Variants in PDIA4 observed in about 807,000 individuals in gnomAD.
PDIA4 encodes the protein protein disulfide isomerase family A member 4, also known as protein disulfide-isomerase A4.
PDIA4 carries 33 observed loss-of-function variants against 62.1 expected under a neutral mutation model. The observed-to-expected ratio is 0.53, with a 90% CI of 0.40 to 0.71. The LOEUF (loss-of-function observed/expected upper bound fraction) is 0.71. PDIA4 is among the 30% of genes least tolerant of loss of function. The probability of loss-of-function intolerance (pLI) is 0.00; values close to 1 mark genes in which losing one functional copy is unlikely to be tolerated. For synonymous variants in PDIA4, 341 were observed against 324.1 expected, an observed-to-expected ratio of 1.05 and a Z score of -0.56; for missense variants, 804 against 813.6, an observed-to-expected ratio of 0.99 and a Z score of 0.14.
intron 1 of PDIA4, among the ~76,000 whole-genome samples, chr7:149,027,516 G>A (rs562976802): frequency 9.5e-4 from 144 of 152,330 alleles, no homozygotes; most frequent in Admixed American, 1.5e-3. Context: ...AGAGGAAGAA[G>A]GTAAAGACCA....
intron 4 of PDIA4, among the ~76,000 whole-genome samples, chr7:149,013,486 G>C (rs1824023330): frequency 6.6e-6 from 1 of 152,006 alleles, no homozygotes; most frequent in African/African-American, 2.4e-5. Flanking sequence ...AGACCAACCG[G>C]GGCAACATAG....
chr7:149,013,452 G>A (rs1824021791), intron 4 of PDIA4, among the ~76,000 whole-genome samples: 1 of 152,266 alleles, frequency 6.6e-6, no homozygotes, highest in East Asian at 1.9e-4. Flanking sequence ...TGAGGCGGGA[G>A]GGTCGCTTGA....
rs532392743 is a variant in PDIA4 at position 149,004,274 on chromosome 7, T to C, written c.1523-65A>G. 5.0e-5 allele frequency: 75 copies of C among 1,495,510 alleles called. No individual in the cohort carries two copies. In the Admixed American group the frequency reaches 5.4e-4, roughly 11 times the overall value. 92.6% of individuals were successfully genotyped at this position (1,495,510 alleles called of 1,614,324 possible). Reference sequence around the variant, plus strand: ...CAAAGGCCAAAGATTCTGGGGGCTCTCTCTGGACCAGGCAGTGAGGTTGGT... The same window carrying C: ...CAAAGGCCAAAGATTCTGGGGGCTCCCTCTGGACCAGGCAGTGAGGTTGGT... On this transcript the variant is annotated intron_variant, in intron 9 of 9. Coordinates refer to ENST00000652332, the MANE Select transcript of PDIA4 (RefSeq NM_004911.5).
chr7:149,008,709 TAAAAAGAAAAAAAAAAAAGAAAAA>T (rs111572930), intron 6 of PDIA4, among the ~76,000 whole-genome samples: 5,765 of 144,644 alleles, frequency 0.04, 384 homozygotes, highest in African/African-American at 0.14. Flanking sequence ...AGACTGTCTT[TAAAAAGAAAAAAAAAAAAGAAAAA>T]GAAAAGAAAA....
chr7:149,018,509 G>A (rs930414222), intron 3 of PDIA4, among the ~76,000 whole-genome samples: 9 of 151,776 alleles, frequency 5.9e-5, no homozygotes, highest in South Asian at 2.1e-4. Context: ...TCAGCTCACC[G>A]CAACCTCCGC....
At position 149,021,064 on chromosome 7, in the gene PDIA4, C is replaced by A. The variant is rs775228303; in HGVS notation, c.172G>T (p.Val58Phe). 6.2e-7 allele frequency: 1 copy of A among 1,614,124 alleles called. No individual in the cohort carries two copies. Among genetic ancestry groups the A allele is most frequent in the South Asian group, 1.1e-5 (1 of 91,068 alleles). ...DDDEEEDDLE[V>F]KEENGVLVLN... Reference sequence around the variant, plus strand: ...ACCAAGACTCCATTTTCTTCCTTAACTTCCAAGTCGTCTTCTTCCTCATCA... The same window carrying A: ...ACCAAGACTCCATTTTCTTCCTTAAATTCCAAGTCGTCTTCTTCCTCATCA... The change falls in exon 2 of 10, where the codon GTT becomes TTT. Residue 58 changes from valine to phenylalanine, a missense_variant. By Grantham distance (50) the Val-to-Phe change is conservative (BLOSUM62 -1). Transcript: ENST00000652332.
intron 6 of PDIA4, 85 bp downstream of exon 6, chr7:149,011,761 G>A (rs1339754565): frequency 1.8e-6 from 2 of 1,123,238 alleles, no homozygotes; most frequent in Non-Finnish European, 2.5e-6. Flanking sequence ...CCTAATGGAT[G>A]TCCCAGGAGC....
At chr7:149,026,753 C>G (rs1443376130) in intron 1 of PDIA4, among the ~76,000 whole-genome samples, 5 of 148,076 alleles carry the variant, frequency 3.4e-5, no homozygotes, top group Non-Finnish European at 5.9e-5. Context: ...AAGCCATGAT[C>G]AGGACAGTGC....
At chr7:149,017,535 G>C (rs1236996744) in intron 3 of PDIA4, among the ~76,000 whole-genome samples, 2 of 152,126 alleles carry the variant, frequency 1.3e-5, no homozygotes, top group African/African-American at 4.8e-5. Flanking sequence ...GGTGAGCTGA[G>C]ATTGCGCCAT....
intron 1 of PDIA4, among the ~76,000 whole-genome samples, chr7:149,024,370 T>C (rs905954912): frequency 3.9e-5 from 6 of 152,198 alleles, no homozygotes; most frequent in Admixed American, 2.0e-4. Flanking sequence ...CAAGCCAGGA[T>C]TGATTCCTCT....
At chr7:149,022,376 A>G (rs1824382626) in intron 1 of PDIA4, among the ~76,000 whole-genome samples, 1 of 152,120 alleles carries the variant, frequency 6.6e-6, no homozygotes, top group Non-Finnish European at 1.5e-5. Context: ...TGTATATTTT[A>G]TTTTCAAGGT....
chr7:149,010,090 T>TA (rs1823894607), intron 6 of PDIA4, among the ~76,000 whole-genome samples: 1 of 152,260 alleles, frequency 6.6e-6, no homozygotes, highest in East Asian at 1.9e-4. Context: ...CAGATGGACT[T>TA]AGATTCATAT....
At chr7:149,018,031 C>A (rs986037721) in intron 3 of PDIA4, among the ~76,000 whole-genome samples, 6 of 152,124 alleles carry the variant, frequency 3.9e-5, no homozygotes, top group African/African-American at 1.4e-4. Flanking sequence ...AGATCGAGAC[C>A]ATCCTGGCTA....
At chr7:149,018,165 GT>G (rs1449516102) in intron 3 of PDIA4, among the ~76,000 whole-genome samples, 1 of 151,938 alleles carries the variant, frequency 6.6e-6, no homozygotes, top group African/African-American at 2.4e-5. Context: ...GGAGGCGGAG[GT>G]TGCAGTGAGC....
intron 5 of PDIA4, 65 bp downstream of exon 5, chr7:149,012,090 A>G: frequency 6.2e-7 from 1 of 1,608,268 alleles, no homozygotes; most frequent in Non-Finnish European, 8.5e-7. Flanking sequence ...AGCACCTTCA[A>G]TGGCAGCTTC....
rs1183359125 is a variant in PDIA4 at position 149,012,292 on chromosome 7, G to A, written c.683C>T (p.Pro228Leu). Reference sequence around the variant, plus strand: ...GTCGACCTTTGCCAGGGGAATTGGAGGAGAACGCTTGCTGAGCTCCTTGGC... The same window carrying A: ...GTCGACCTTTGCCAGGGGAATTGGAAGAGAACGCTTGCTGAGCTCCTTGGC... The part of the protein sequence containing the change: ...KAAKELSKRS[P>L]PIPLAKVDAT... Residue 228 changes from proline (P) to leucine (L), a missense_variant, in exon 5 of 10, where the codon CCT becomes CTT. By Grantham distance (98) the Pro-to-Leu change is moderately conservative (BLOSUM62 -3). Transcript: ENST00000652332. 6.2e-7 allele frequency: 1 copy of A among 1,614,156 alleles called. No homozygotes were observed. The highest frequency in any genetic ancestry group is 8.5e-7 in the Non-Finnish European group (1 of 1,180,024).
At chr7:149,012,912 G>A (rs1426034969) in intron 4 of PDIA4, among the ~76,000 whole-genome samples, 2 of 152,044 alleles carry the variant, frequency 1.3e-5, no homozygotes, top group African/African-American at 4.8e-5. Context: ...AGGAGATGAG[G>A]GAGAGTCCCT....
rs773031477 is a variant in PDIA4, at chr7:149,006,003, C to A, written c.1182G>T (p.Leu394=). The A allele has an allele frequency of 6.4e-7, 1 of 1,551,280 alleles. No individual in the cohort carries two copies. Among genetic ancestry groups the A allele is most frequent in the Non-Finnish European group, 8.6e-7 (1 of 1,157,148 alleles). Residue 394 remains leucine (L), a synonymous_variant, in exon 8 of 10, where the codon CTG becomes CTT. Transcript: ENST00000652332. ...ACACCTTGCGGTGGCCAACCAGGGG[C>A]AGGGCGTACTTCAGCACGAAGTCCT... is the stretch of plus-strand genomic sequence containing the variant. The part of the protein sequence containing the change: ...AIKDFVLKYA[L]PLVGHRKVSN...
At chr7:149,013,650 T>A (rs1400105503) in intron 4 of PDIA4, among the ~76,000 whole-genome samples, 1 of 151,878 alleles carries the variant, frequency 6.6e-6, no homozygotes, top group Admixed American at 6.6e-5. Flanking sequence ...CCAGCCCAGG[T>A]GACAAAGCAA....
Sources: gnomAD v4.1 joint callset for allele counts (sites outside exome capture counted in the v4.1 genomes callset) on GRCh38, gnomAD v4.1.1 for gene constraint, MANE v1.5 for transcripts, NCBI Gene and HGNC (gene_info 2026-07-23, HGNC 2026-07-21) for gene names.